The following GPATCH11 variants were observed in gnomAD, a reference collection of about 807,000 sequenced individuals.
GPATCH11 encodes the protein G-patch domain containing 11, also known as G patch domain-containing protein 11.
A neutral mutation model predicts 44.8 loss-of-function variants in GPATCH11; 32 were observed. That is an observed-to-expected ratio of 0.71 (90% confidence interval 0.54 to 0.96). The LOEUF (loss-of-function observed/expected upper bound fraction) is 0.96, where lower values mean the gene tolerates loss of function less well. Among genes scored for constraint, GPATCH11 ranks in the 40% least tolerant of loss-of-function variants. The probability of loss-of-function intolerance (pLI) is 0.00; values close to 1 mark genes in which losing one functional copy is unlikely to be tolerated. For missense variants in GPATCH11, 324 were observed against 303.1 expected, an observed-to-expected ratio of 1.07 and a Z score of -0.51; for synonymous variants, 84 against 94.4, an observed-to-expected ratio of 0.89 and a Z score of 0.64.
chr2:37,089,091 T>C (rs1255182337), intron 2 of GPATCH11, among the ~76,000 whole-genome samples: 1 of 152,234 alleles, frequency 6.6e-6, no homozygotes, highest in African/African-American at 2.4e-5. Context: ...ACTTACTATA[T>C]CTGATTTCTT....
At position 37,097,256 on chromosome 2, in the gene GPATCH11, C is replaced by G. The variant is rs1363977469; in HGVS notation, c.*993C>G. 1.3e-5 allele frequency: 2 copies of G among 152,202 alleles called. No individual in the cohort carries two copies. Among genetic ancestry groups the G allele is most frequent in the Admixed American group, 1.3e-4 (2 of 15,276 alleles). 9.4% of individuals were successfully genotyped at this position (152,202 alleles called of 1,614,324 possible). Reference sequence around the variant, plus strand: ...TCACTGCTTTAAAACCATTCCATTACTGGGTAGCTCTGAATTGTTTTCATT... The same window carrying G: ...TCACTGCTTTAAAACCATTCCATTAGTGGGTAGCTCTGAATTGTTTTCATT... On this transcript the variant is annotated 3_prime_UTR_variant, in exon 9 of 9. Coordinates refer to ENST00000674370, the MANE Select transcript of GPATCH11 (RefSeq NM_174931.4).
rs1008337347 is a variant in GPATCH11, at chr2:37,089,722, T to G, written c.142T>G (p.Leu48Val). ...RKEEKQQEAN[L>V]KNRQKSLKEE... ...AGAAGAAAAGCAACAGGAAGCCAAT[T>G]TGAAAAACAGGCAGAAGAGTTTAAA... Residue 48 changes from leucine (L) to valine (V), a missense_variant, in exon 3 of 9, where the codon TTG becomes GTG. Leu to Val is a conservative substitution (Grantham distance 32). Coordinates refer to ENST00000674370, the MANE Select transcript of GPATCH11 (RefSeq NM_174931.4). 6.4e-7 allele frequency: 1 copy of G among 1,551,674 alleles called. No homozygotes were observed. Among genetic ancestry groups the G allele is most frequent in the African/African-American group, 1.4e-5 (1 of 73,088 alleles).
chr2:37,088,343 A>T (rs554072606), intron 1 of GPATCH11, 26 bp from the exon 2 acceptor site: 11 of 1,204,196 alleles, frequency 9.1e-6, no homozygotes, highest in East Asian at 2.6e-5. Flanking sequence ...AACTAAAAAA[A>T]AAAGTAATTA....
chr2:37,089,574 TAAAA>T (rs371385606), intron 2 of GPATCH11, 62 bp from the exon 3 acceptor site: 81 of 960,778 alleles, frequency 8.4e-5, no homozygotes, highest in Middle Eastern at 2.6e-4. Flanking sequence ...TCTCAAAAAA[TAAAA>T]AAAAAAAAAA....
In GPATCH11 at chr2:37,089,778, G is replaced by A. The variant is rs1224372810; in HGVS notation, c.198G>A (p.Gly66=). 5 of 1,551,788 alleles carry A rather than the reference G, an allele frequency of 3.2e-6. No individual in the cohort carries two copies. The African/African-American group carries it at 5.5e-5, about 17-fold the overall frequency. The change falls in exon 3 of 9, where the codon GGG becomes GGA. Residue 66 remains glycine, a synonymous_variant. Transcript: ENST00000674370. ...KEEEQERRDI[G]LKNALGCENK... is the part of the protein sequence containing the mutation. ...AAGAACAAGAAAGACGTGACATTGG[G>A]TTGAAGAATGCACTAGGCTGTGAAA...
At chr2:37,096,118 C>T in intron 8 of GPATCH11, 90 bp from the exon 9 acceptor site, 1 of 771,962 alleles carries the variant, frequency 1.3e-6, no homozygotes, top group South Asian at 1.8e-5. Context: ...TAGAAAACAT[C>T]AGATCAAAAA....
At position 37,094,269 on chromosome 2, in the gene GPATCH11, G is replaced by A. The variant is rs191539210; in HGVS notation, c.654+74G>A. ...TTAGCACTTTGAGTTGTGGTAATCC[G>A]TTGTTGTGGAGAGCTGTCCTGTGCA... On this transcript the variant is annotated intron_variant, in intron 7 of 8. Coordinates refer to ENST00000674370, the MANE Select transcript of GPATCH11 (RefSeq NM_174931.4). 170 of 917,940 alleles carry A rather than the reference G, an allele frequency of 1.9e-4. 2 individuals are homozygous for A. In the African/African-American group the frequency reaches 2.3e-3, roughly 12 times the overall value. The allele number at this position is 917,940 out of a possible 1,614,324, so 56.9% of individuals were successfully genotyped here.
chr2:37,093,294 T>C (rs1673421911), intron 6 of GPATCH11, among the ~76,000 whole-genome samples: 1 of 151,772 alleles, frequency 6.6e-6, no homozygotes, highest in Non-Finnish European at 1.5e-5. Context: ...CAGGAGTTTG[T>C]GACCAGCCTG....
At chr2:37,089,924 T>A in intron 3 of GPATCH11, 58 bp downstream of exon 3, 1 of 1,194,096 alleles carries the variant, frequency 8.4e-7, no homozygotes, top group Non-Finnish European at 1.2e-6. Flanking sequence ...GACTTATGGA[T>A]AAGGACCAAA....
At chr2:37,095,012 T>C (rs1166740105) in intron 7 of GPATCH11, among the ~76,000 whole-genome samples, 1 of 151,910 alleles carries the variant, frequency 6.6e-6, no homozygotes. Flanking sequence ...TACTTGAGTA[T>C]AATAATTTTG....
At chr2:37,088,168 CAG>C (rs997382488) in intron 1 of GPATCH11, among the ~76,000 whole-genome samples, 199 bp from the exon 2 acceptor site, 11 of 152,096 alleles carry the variant, frequency 7.2e-5, no homozygotes, top group Admixed American at 5.2e-4. Flanking sequence ...CATGGAAACA[CAG>C]GGGATGTAGA....
chr2:37,087,982 G>C (rs1673127165), intron 1 of GPATCH11, among the ~76,000 whole-genome samples: 1 of 151,974 alleles, frequency 6.6e-6, no homozygotes, highest in African/African-American at 2.4e-5. Flanking sequence ...ACTGGAAGAG[G>C]AGACCAACTA....
At chr2:37,084,778 C>G (rs1672897468) in intron 1 of GPATCH11, among the ~76,000 whole-genome samples, 2 of 152,174 alleles carry the variant, frequency 1.3e-5, no homozygotes, top group African/African-American at 2.4e-5. Context: ...CGTTTCTTGT[C>G]ACATTTATAC....
intron 2 of GPATCH11, 67 bp downstream of exon 2, chr2:37,088,507 T>C (rs1673155163): frequency 1.4e-6 from 1 of 728,444 alleles, no homozygotes; most frequent in African/African-American, 1.8e-5. Context: ...ATGACATTGA[T>C]TTTATTTTAT....
Position 37,096,232 on chromosome 2 carries a change from G to A in GPATCH11, c.761G>A (p.Cys254Tyr), listed in dbSNP as rs375345773. ...GATAAAGAAGACCTATCTTCAAATTGTCCAGGACCAACTTCTGCAGATCAT... is the reference window on the plus strand; with the variant it reads ...GATAAAGAAGACCTATCTTCAAATTATCCAGGACCAACTTCTGCAGATCAT... Reference protein sequence around the residue: ...YEDKEDLSSNCPGPTSADHD With the variant: ...YEDKEDLSSNYPGPTSADHD Residue 254 changes from cysteine (C) to tyrosine (Y), a missense_variant, in exon 9 of 9, where the codon TGT (cysteine) becomes TAT (tyrosine). Transcript: ENST00000674370. The A allele has an allele frequency of 1.9e-6, 3 of 1,588,774 alleles. No homozygotes were observed. The highest frequency in any genetic ancestry group is 2.6e-6 in the Non-Finnish European group (3 of 1,166,420).
chr2:37,095,485 C>G lies in GPATCH11; in HGVS notation c.703C>G (p.Leu235Val). 6.2e-7 allele frequency: 1 copy of G among 1,604,964 alleles called. No individual in the cohort carries two copies. Among genetic ancestry groups the G allele is most frequent in the Non-Finnish European group, 8.5e-7 (1 of 1,176,362 alleles). The part of the protein sequence containing the change: ...ILTSYLREEH[L>V]YCIWCGTAYE... ...GACTAGTTATTTAAGAGAAGAACAT[C>G]TATATTGTATTTGGTGTGGAACAGC... Residue 235 changes from leucine (L) to valine (V), a missense_variant, in exon 8 of 9, where the codon CTA becomes GTA. Coordinates refer to ENST00000674370, the MANE Select transcript of GPATCH11 (RefSeq NM_174931.4).
chr2:37,092,091 T>C (rs1673351582), intron 5 of GPATCH11, 55 bp downstream of exon 5: 3 of 1,595,472 alleles, frequency 1.9e-6, no homozygotes, highest in African/African-American at 1.3e-5. Context: ...TGTGGTATGT[T>C]CTCTGGTACT....
chr2:37,085,079 C>T (rs1225987303), intron 1 of GPATCH11, among the ~76,000 whole-genome samples: 1 of 152,158 alleles, frequency 6.6e-6, no homozygotes, highest in African/African-American at 2.4e-5. Context: ...ATCATCTCTG[C>T]CAGGGTATCG....
intron 4 of GPATCH11, among the ~76,000 whole-genome samples, chr2:37,091,197 G>A (rs1418346111): frequency 6.6e-6 from 1 of 152,104 alleles, no homozygotes; most frequent in Non-Finnish European, 1.5e-5. Context: ...GGTGGTGCAT[G>A]CCTGTAATCC....
Sources: allele counts gnomAD v4.1 joint callset (sites outside exome capture counted in the v4.1 genomes callset), GRCh38; gene constraint gnomAD v4.1.1; transcripts MANE v1.5; gene names NCBI Gene and HGNC (gene_info 2026-07-23, HGNC 2026-07-21).